Variants in UGGT2 observed in about 807,000 individuals in gnomAD.
The protein encoded by UGGT2 is UDP-glucose:glycoprotein glucosyltransferase 2.
In UGGT2, 180 loss-of-function variants were observed where a neutral mutation model predicts 192.1. The observed-to-expected ratio is 0.94, with a 90% CI of 0.83 to 1.06. The LOEUF is 1.06. Among genes scored for constraint, UGGT2 ranks in the 50% least tolerant of loss-of-function variants. UGGT2 has a pLI of 0.00. For synonymous variants in UGGT2, 580 were observed against 591.0 expected (o/e 0.98, Z 0.27); for missense variants, 1,849 against 1,795.7 (o/e 1.03, Z -0.54).
chr13:95,979,129 G>T (rs975848622), intron 10 of UGGT2, among the ~76,000 whole-genome samples: 32 of 152,094 alleles, frequency 2.1e-4, no homozygotes, highest in African/African-American at 7.0e-4. Context: ...AAATGTCATG[G>T]ACTATAACAA....
chr13:96,050,767 C>G (rs1327062874), intron 1 of UGGT2, among the ~76,000 whole-genome samples: 1 of 152,136 alleles, frequency 6.6e-6, no homozygotes, highest in Admixed American at 6.5e-5. Flanking sequence ...AAATGCAAAT[C>G]AAAACCACAA....
intron 9 of UGGT2, chr13:95,985,399 G>T: frequency 1.9e-6 from 1 of 526,016 alleles, no homozygotes. Flanking sequence ...TTGGTATCTT[G>T]TAGCCAACCA....
At chr13:95,808,411 ATTTT>A (rs758490427) in intron 38 of UGGT2, among the ~76,000 whole-genome samples, 1 of 150,662 alleles carries the variant, frequency 6.6e-6, no homozygotes, top group Admixed American at 6.6e-5. Context: ...CCTTTGTGGC[ATTTT>A]TTTTTCTACA....
chr13:95,899,681 A>C (rs2048047464), intron 22 of UGGT2, among the ~76,000 whole-genome samples: 1 of 152,250 alleles, frequency 6.6e-6, no homozygotes, highest in African/African-American at 2.4e-5. Context: ...AAAATGCTTG[A>C]CATGGTCAAA....
At chr13:95,867,296 A>T (rs2140113111) in intron 30 of UGGT2, 43 bp downstream of exon 30, 1 of 1,435,530 alleles carries the variant, frequency 7.0e-7, no homozygotes, top group Non-Finnish European at 9.5e-7. Flanking sequence ...GATAATTCTT[A>T]ATATTAAGAA....
intron 38 of UGGT2, among the ~76,000 whole-genome samples, chr13:95,816,083 G>A (rs905494617): frequency 6.6e-6 from 1 of 152,156 alleles, no homozygotes; most frequent in Non-Finnish European, 1.5e-5. Flanking sequence ...AGAAGCAGAT[G>A]CTGCCATGCT....
chr13:95,859,353 A>G lies in UGGT2; in HGVS notation c.3825+238T>C, dbSNP rs553628695. ...TTGTATTTAATTACTCATTATCATGAAAAACTACTAGCCATTCTGATTTTG... is the reference window on the plus strand; with the variant it reads ...TTGTATTTAATTACTCATTATCATGGAAAACTACTAGCCATTCTGATTTTG... On this transcript the variant is annotated intron_variant, in intron 33 of 38. Transcript: ENST00000376747. Among the ~76,000 whole-genome samples the G allele has an allele frequency of 1.6e-4, 25 of 152,232 alleles. 1 individual carries two copies. The South Asian group carries it at 5.2e-3, about 32-fold the overall frequency.
At chr13:96,032,802 T>C (rs1437544699) in intron 1 of UGGT2, among the ~76,000 whole-genome samples, 1 of 152,162 alleles carries the variant, frequency 6.6e-6, no homozygotes. Context: ...ACATACAGAT[T>C]AACTAATTCT....
At chr13:95,810,839 A>G (rs1343671910) in intron 38 of UGGT2, among the ~76,000 whole-genome samples, 1 of 152,220 alleles carries the variant, frequency 6.6e-6, no homozygotes, top group African/African-American at 2.4e-5. Flanking sequence ...CAAAGATGGG[A>G]AAAAATTTTA....
chr13:95,961,638 A>G (rs1428932579), intron 12 of UGGT2, among the ~76,000 whole-genome samples: 4 of 152,210 alleles, frequency 2.6e-5, no homozygotes, highest in Admixed American at 1.3e-4. Flanking sequence ...GAGAGACTCC[A>G]AAACAATAAT....
intron 20 of UGGT2, among the ~76,000 whole-genome samples, chr13:95,908,489 C>A (rs751824023): frequency 1.3e-5 from 2 of 152,156 alleles, no homozygotes; most frequent in Non-Finnish European, 2.9e-5. Context: ...CTGTTAAGGG[C>A]ATTTCCAGTT....
intron 20 of UGGT2, among the ~76,000 whole-genome samples, chr13:95,924,704 T>C: frequency 6.6e-6 from 1 of 152,102 alleles, no homozygotes; most frequent in Non-Finnish European, 1.5e-5. Context: ...CTCTTTACCC[T>C]TGTTCTGGAA....
chr13:95,862,323 T>A, intron 31 of UGGT2, among the ~76,000 whole-genome samples: 1 of 152,228 alleles, frequency 6.6e-6, no homozygotes, highest in Non-Finnish European at 1.5e-5. Flanking sequence ...CATTTCTATT[T>A]CTTATCTTTG....
chr13:95,970,213 T>C lies in UGGT2; in HGVS notation c.1234A>G (p.Asn412Asp), dbSNP rs1269200862. ...ATATCTTCCCCATTGATCCCAAGAT[T>C]GCGAAGGCCATTCATCATTTTTCCT... Reference protein sequence around the residue: ...LEGKMMNGLRNLGINGEDMSK... With the variant: ...LEGKMMNGLRDLGINGEDMSK... Residue 412 changes from asparagine to aspartate, a missense_variant, in exon 12 of 39, where the codon AAT becomes GAT. Coordinates refer to ENST00000376747, the MANE Select transcript of UGGT2 (RefSeq NM_020121.4). 4 of 1,613,374 alleles carry C rather than the reference T, an allele frequency of 2.5e-6. No individual in the cohort carries two copies. The highest frequency in any genetic ancestry group is 3.4e-6 in the Non-Finnish European group (4 of 1,179,462).
In UGGT2 at chr13:95,909,703, G is replaced by C. The variant is rs9516622; in HGVS notation, c.2296-6643C>G. Among the ~76,000 whole-genome samples the C allele has an allele frequency of 2.2e-5, 3 of 138,446 alleles. No homozygotes were observed. The East Asian group carries it at 6.7e-4, about 31-fold the overall frequency. 90.8% of individuals were successfully genotyped at this position (138,446 alleles called of 152,430 possible). A position where few individuals can be genotyped will look rare whatever the true frequency, so the allele number is the denominator to read the frequency against. On this transcript the variant is annotated intron_variant, in intron 20 of 38. Transcript: ENST00000376747. ...ACCAGCATGGCACATGTATACATAT[G>C]TAACTAACCGGCACAATGTGCACAT...
At chr13:96,045,726 C>T (rs1051980431) in intron 1 of UGGT2, among the ~76,000 whole-genome samples, 11 of 152,058 alleles carry the variant, frequency 7.2e-5, no homozygotes, top group Non-Finnish European at 1.5e-5. Flanking sequence ...AGAACTCAAC[C>T]CCTTTTACAA....
chr13:96,048,627 G>C (rs1009180206), intron 1 of UGGT2, among the ~76,000 whole-genome samples: 1 of 152,058 alleles, frequency 6.6e-6, no homozygotes, highest in Non-Finnish European at 1.5e-5. Flanking sequence ...GAATCAAATA[G>C]ATGCAATAAA....
chr13:96,032,064 GCAAAAA>G (rs927067717), intron 1 of UGGT2, 93 bp from the exon 2 acceptor site: 1 of 811,470 alleles, frequency 1.2e-6, no homozygotes, highest in African/African-American at 1.8e-5. Context: ...TATATCTATG[GCAAAAA>G]CAAAAACCCC....
At chr13:95,923,226 T>TA (rs1199547433) in intron 20 of UGGT2, among the ~76,000 whole-genome samples, 5 of 152,142 alleles carry the variant, frequency 3.3e-5, no homozygotes, top group Non-Finnish European at 5.9e-5. Context: ...TAATTGTTTT[T>TA]AAAAAAATTT....
Sources: allele counts gnomAD v4.1 joint callset (sites outside exome capture counted in the v4.1 genomes callset), GRCh38; gene constraint gnomAD v4.1.1; transcripts MANE v1.5; gene names NCBI Gene and HGNC (gene_info 2026-07-23, HGNC 2026-07-21).